PTPRD: variants seen among roughly 807,000 people sequenced by gnomAD.
PTPRD encodes the protein protein tyrosine phosphatase receptor type D.
In PTPRD, 34 loss-of-function variants were observed where a neutral mutation model predicts 214.5. That is an observed-to-expected ratio of 0.16 (90% CI 0.12 to 0.21). The LOEUF (loss-of-function observed/expected upper bound fraction) is 0.21. PTPRD is among the 10% of genes least tolerant of loss of function. PTPRD has a pLI of 1.00. For synonymous variants in PTPRD, 1,128 were observed against 845.7 expected, an observed-to-expected ratio of 1.33 and a Z score of -5.79; for missense variants, 2,545 against 2,398.7, an observed-to-expected ratio of 1.06 and a Z score of -1.27.
chr9:10,108,583 C>A (rs1195211160), intron 3 of PTPRD, among the ~76,000 whole-genome samples: 1 of 151,970 alleles, frequency 6.6e-6, no homozygotes, highest in Admixed American at 6.6e-5. Context: ...AAAAATCCAA[C>A]TGCCATATGA....
At chr9:10,371,499 C>T (rs183997349) in intron 2 of PTPRD, among the ~76,000 whole-genome samples, 3 of 152,106 alleles carry the variant, frequency 2.0e-5, no homozygotes, top group Non-Finnish European at 2.9e-5. Flanking sequence ...AGCACTTTGT[C>T]CTCCTGCTCC....
chr9:9,853,352 GT>G (rs896730156), intron 5 of PTPRD, among the ~76,000 whole-genome samples: 1 of 152,020 alleles, frequency 6.6e-6, no homozygotes, highest in Admixed American at 6.6e-5. Context: ...ATTCTTCTTG[GT>G]TTTTTCTCAG....
intron 9 of PTPRD, among the ~76,000 whole-genome samples, chr9:9,300,456 A>G (rs1271604148): frequency 2.6e-5 from 4 of 151,784 alleles, no homozygotes; most frequent in Non-Finnish European, 5.9e-5. Context: ...TCATTTTGCT[A>G]CATAAGCTTT....
chr9:9,946,614 A>G (rs778822306), intron 4 of PTPRD, among the ~76,000 whole-genome samples: 18 of 152,066 alleles, frequency 1.2e-4, no homozygotes, highest in Non-Finnish European at 2.4e-4. Context: ...TCCTTACTGC[A>G]GGTCTCCAGA....
chr9:8,339,580 A>C (rs1242734327), intron 42 of PTPRD, among the ~76,000 whole-genome samples: 1 of 152,090 alleles, frequency 6.6e-6, no homozygotes, highest in African/African-American at 2.4e-5. Context: ...TCATTGGCCA[A>C]ATCAGAGTAA....
At chr9:9,663,243 A>T (rs1278006370) in intron 7 of PTPRD, among the ~76,000 whole-genome samples, 2 of 151,500 alleles carry the variant, frequency 1.3e-5, no homozygotes, top group East Asian at 3.8e-4. Flanking sequence ...AAGAAAATAC[A>T]ACTTATTTTT....
intron 5 of PTPRD, among the ~76,000 whole-genome samples, chr9:9,823,183 G>C (rs1318020883): frequency 6.6e-6 from 1 of 152,068 alleles, no homozygotes; most frequent in Admixed American, 6.6e-5. Context: ...AAGAAAAGAG[G>C]TAATCAGTTC....
chr9:10,474,625 A>G (rs1231447957), intron 2 of PTPRD, among the ~76,000 whole-genome samples: 1 of 152,144 alleles, frequency 6.6e-6, no homozygotes, highest in African/African-American at 2.4e-5. Context: ...TCGGCTTTGG[A>G]CCAAGCAGAT....
At chr9:9,132,769 G>A (rs928962292) in intron 10 of PTPRD, among the ~76,000 whole-genome samples, 1 of 152,280 alleles carries the variant, frequency 6.6e-6, no homozygotes, top group East Asian at 1.9e-4. Flanking sequence ...CCATGCTATA[G>A]GGAATGAATG....
intron 14 of PTPRD, among the ~76,000 whole-genome samples, chr9:8,590,209 C>T (rs796203865): frequency 2.6e-5 from 4 of 152,170 alleles, no homozygotes; most frequent in African/African-American, 9.6e-5. Context: ...ATATAGACTT[C>T]CTTAAGCTAG....
At chr9:8,777,183 T>C (rs965704654) in intron 11 of PTPRD, among the ~76,000 whole-genome samples, 37 of 152,002 alleles carry the variant, frequency 2.4e-4, no homozygotes, top group Admixed American at 2.0e-4. Context: ...TCTTACTATG[T>C]TGCCCAGGCT....
chr9:9,418,117 A>G (rs2077522241), intron 8 of PTPRD, among the ~76,000 whole-genome samples: 1 of 152,056 alleles, frequency 6.6e-6, no homozygotes, highest in African/African-American at 2.4e-5. Context: ...ATCCACATAC[A>G]TAAGACTTGC....
chr9:10,369,924 T>G (rs1216656645), intron 2 of PTPRD, among the ~76,000 whole-genome samples: 4 of 152,112 alleles, frequency 2.6e-5, no homozygotes, highest in Non-Finnish European at 5.9e-5. Flanking sequence ...GAACAAGTAG[T>G]GAGCTTGTGC....
intron 10 of PTPRD, among the ~76,000 whole-genome samples, chr9:9,136,455 T>C (rs901732589): frequency 1.3e-5 from 2 of 152,076 alleles, no homozygotes; most frequent in African/African-American, 4.8e-5. Flanking sequence ...TTTTCATAAA[T>C]GTAGATAAAA....
intron 2 of PTPRD, among the ~76,000 whole-genome samples, chr9:10,501,382 A>T (rs965022362): frequency 6.6e-6 from 1 of 151,970 alleles, no homozygotes; most frequent in Non-Finnish European, 1.5e-5. Context: ...TTTTTAAATC[A>T]GATTTTTTTC....
chr9:8,433,194 G>C (rs1234466889), intron 35 of PTPRD, among the ~76,000 whole-genome samples: 1 of 152,160 alleles, frequency 6.6e-6, no homozygotes, highest in Non-Finnish European at 1.5e-5. Flanking sequence ...CTAGGGATGT[G>C]GTAGCTGTCG....
chr9:9,694,211 C>T (rs756123993), intron 7 of PTPRD, among the ~76,000 whole-genome samples: 7 of 151,904 alleles, frequency 4.6e-5, no homozygotes, highest in Non-Finnish European at 1.0e-4. Context: ...TATTCTTCAC[C>T]ATCTGGGCTT....
At position 8,486,189 on chromosome 9, in the gene PTPRD, T is replaced by A. The variant is rs1465893234; in HGVS notation, c.2628A>T (p.Lys876Asn). 1.2e-6 allele frequency: 2 copies of A among 1,614,186 alleles called. No individual in the cohort carries two copies. The highest frequency in any genetic ancestry group is 1.1e-5 in the South Asian group (1 of 91,090). The change falls in exon 28 of 46, where the codon AAA becomes AAT. Residue 876 changes from lysine (K) to asparagine (N), a missense_variant. Lys to Asn is a moderately conservative substitution (Grantham distance 94). Coordinates refer to ENST00000381196, the MANE Select transcript of PTPRD (RefSeq NM_002839.4). ...TGTCTGTAGCTGTAAAGTGATCTTC[T>A]TTTTCAGAGAACTCAAGAGTAGTAA... ...EPLTTLEFSE[K>N]EDHFTATDIH...
chr9:9,831,916 G>T (rs186856167), intron 5 of PTPRD, among the ~76,000 whole-genome samples: 1 of 151,866 alleles, frequency 6.6e-6, no homozygotes, highest in African/African-American at 2.4e-5. Flanking sequence ...TTGGCTGGTT[G>T]GCAAAAATGT....
Sources: gnomAD v4.1 joint callset for allele counts (sites outside exome capture counted in the v4.1 genomes callset) on GRCh38, gnomAD v4.1.1 for gene constraint, MANE v1.5 for transcripts, NCBI Gene and HGNC (gene_info 2026-07-23, HGNC 2026-07-21) for gene names.